Variants in EFCAB12 observed in about 807,000 individuals in gnomAD.
EFCAB12 encodes EF-hand calcium binding domain 12.
In EFCAB12, 43 loss-of-function variants were observed where a neutral mutation model predicts 53.6. The ratio of observed to expected loss-of-function variants is 0.80; its 90% CI spans 0.63 to 1.03. The LOEUF is 1.03. Among genes scored for constraint, EFCAB12 ranks in the 50% least tolerant of loss-of-function variants. The probability of loss-of-function intolerance (pLI) is 0.00; values close to 1 mark genes in which losing one functional copy is unlikely to be tolerated. For synonymous variants in EFCAB12, 269 were observed against 289.2 expected, an observed-to-expected ratio of 0.93 and a Z score of 0.71; for missense variants, 646 against 730.6, an observed-to-expected ratio of 0.88 and a Z score of 1.34.
At chr3:129,410,379 C>T (rs1053240705) in intron 5 of EFCAB12, among the ~76,000 whole-genome samples, 2 of 150,996 alleles carry the variant, frequency 1.3e-5, no homozygotes, top group African/African-American at 2.4e-5. Flanking sequence ...TCCAGTGGTG[C>T]GATCTTAGCT....
At chr3:129,419,026 T>C (rs1453222922) in intron 2 of EFCAB12, among the ~76,000 whole-genome samples, 4 of 152,182 alleles carry the variant, frequency 2.6e-5, no homozygotes, top group South Asian at 2.1e-4. Context: ...GGGTGCTTAT[T>C]ATAATAGAGA....
At chr3:129,427,082 C>T (rs1280898110) in intron 1 of EFCAB12, among the ~76,000 whole-genome samples, 1 of 150,492 alleles carries the variant, frequency 6.6e-6, no homozygotes, top group African/African-American at 2.5e-5. Flanking sequence ...CTCCTGACCT[C>T]GTGATCCACC....
At chr3:129,425,056 TGGAA>T (rs1459960068) in intron 1 of EFCAB12, among the ~76,000 whole-genome samples, 1 of 152,166 alleles carries the variant, frequency 6.6e-6, no homozygotes, top group African/African-American at 2.4e-5. Flanking sequence ...TTCCACATGT[TGGAA>T]GCCCACTGTG....
intron 4 of EFCAB12, 125 bp from the exon 5 acceptor site, chr3:129,411,479 C>T (rs780888776): frequency 3.5e-5 from 36 of 1,016,526 alleles, no homozygotes; most frequent in South Asian, 9.9e-5. Flanking sequence ...CCTTCCCACA[C>T]GTCTGGGCAG....
At chr3:129,415,097 A>G in intron 4 of EFCAB12, 148 bp downstream of exon 4, 1 of 958,956 alleles carries the variant, frequency 1.0e-6, no homozygotes, top group South Asian at 2.1e-5. Context: ...CTGGGCCTGA[A>G]AATTTCCAGA....
At chr3:129,410,383 C>A (rs2072020852) in intron 5 of EFCAB12, among the ~76,000 whole-genome samples, 1 of 150,622 alleles carries the variant, frequency 6.6e-6, no homozygotes, top group Middle Eastern at 3.2e-3. Context: ...GTGGTGCGAT[C>A]TTAGCTCACT....
chr3:129,417,330 A>C (rs560926464), intron 3 of EFCAB12, among the ~76,000 whole-genome samples: 6,640 of 138,424 alleles, frequency 0.048, 726 homozygotes, highest in East Asian at 0.42. Context: ...CCTCAAAAAA[A>C]AAAAAAAAAC....
rs368168096 is a variant in EFCAB12 at position 129,404,279 on chromosome 3, C to T, written c.1374G>A (p.Gln458=). The T allele has an allele frequency of 1.7e-5, 27 of 1,613,798 alleles. No individual in the cohort carries two copies. Among genetic ancestry groups the T allele is most frequent in the Non-Finnish European group, 2.2e-5 (26 of 1,179,774 alleles). Residue 458 remains glutamine, a synonymous_variant, in exon 7 of 9, where the codon CAG becomes CAA. Coordinates refer to ENST00000505956, the MANE Select transcript of EFCAB12 (RefSeq NM_207307.3). ...FSPNLALLRS[Q]GPGKSKRTDK... ...CAGTCCTCTTAGACTTGCCAGGGCC[C>T]TGGGACCGGAGCAGAGCCAGATTCG... is the stretch of plus-strand genomic sequence containing the variant.
At chr3:129,419,111 G>A (rs749748023) in intron 2 of EFCAB12, among the ~76,000 whole-genome samples, 1 of 152,130 alleles carries the variant, frequency 6.6e-6, no homozygotes. Context: ...ACTAACATGT[G>A]AACACCTTGT....
intron 5 of EFCAB12, among the ~76,000 whole-genome samples, chr3:129,409,979 T>A (rs1340264023): frequency 6.6e-6 from 1 of 151,910 alleles, no homozygotes; most frequent in Non-Finnish European, 1.5e-5. Flanking sequence ...CAAATATGTA[T>A]TTTTAATTAT....
chr3:129,409,390 C>T (rs2072000647), intron 5 of EFCAB12, among the ~76,000 whole-genome samples: 1 of 151,986 alleles, frequency 6.6e-6, no homozygotes, highest in Non-Finnish European at 1.5e-5. Flanking sequence ...CTGCAGTGAG[C>T]CAAGATCAAG....
chr3:129,413,087 CA>C (rs2107738596), intron 4 of EFCAB12: 1 of 152,318 alleles, frequency 6.6e-6, no homozygotes, highest in East Asian at 1.9e-4. Context: ...CCTCTGCGGA[CA>C]TAAAGGATAA....
At chr3:129,425,403 C>T (rs1429036914) in intron 1 of EFCAB12, among the ~76,000 whole-genome samples, 2 of 152,178 alleles carry the variant, frequency 1.3e-5, no homozygotes, top group Non-Finnish European at 2.9e-5. Flanking sequence ...CCTCCCAGCC[C>T]CCGCCCCCTC....
At chr3:129,411,454 G>A (rs1577042701) in intron 4 of EFCAB12, 100 bp from the exon 5 acceptor site, 1 of 1,260,584 alleles carries the variant, frequency 7.9e-7, no homozygotes, top group African/African-American at 1.5e-5. Flanking sequence ...CAGGCACCAG[G>A]CCACCCCTCC....
At chr3:129,428,397 G>C (rs748230490) in intron 1 of EFCAB12, 43 bp downstream of exon 1, 1 of 1,578,412 alleles carries the variant, frequency 6.3e-7, no homozygotes, top group South Asian at 1.2e-5. Flanking sequence ...CGCGTCCTTA[G>C]GGCGCTGAGC....
At chr3:129,402,397 C>T in intron 8 of EFCAB12, 126 bp downstream of exon 8, 1 of 1,043,526 alleles carries the variant, frequency 9.6e-7, no homozygotes, top group South Asian at 1.4e-5. Flanking sequence ...TGTTGTGTCA[C>T]TGCCTCTCAG....
At chr3:129,426,527 G>A (rs1479413215) in intron 1 of EFCAB12, among the ~76,000 whole-genome samples, 2 of 151,714 alleles carry the variant, frequency 1.3e-5, no homozygotes, top group African/African-American at 2.4e-5. Context: ...ACCACGACCG[G>A]CTAATTTTTT....
rs372087080 is a variant in EFCAB12 at position 129,421,952 on chromosome 3, A to G, written c.50-149T>C. The G allele has an allele frequency of 7.3e-4, 611 of 831,392 alleles. 2 individuals are homozygous for G. In the African/African-American group the frequency reaches 9.6e-3, roughly 13 times the overall value. 51.5% of individuals were successfully genotyped at this position (831,392 alleles called of 1,614,324 possible). On this transcript the variant is annotated intron_variant, in intron 1 of 8. Coordinates refer to ENST00000505956, the MANE Select transcript of EFCAB12 (RefSeq NM_207307.3). ...ATTGTCTTGCTGTAATCGTAAGGAT[A>G]ATTTCATCTAATGTTACCGGGTGCT...
rs1327396183 is a variant in EFCAB12 at position 129,401,503 on chromosome 3, T to G, written c.*90A>C. 5 of 1,437,974 alleles carry G rather than the reference T, an allele frequency of 3.5e-6. No homozygotes were observed. Among genetic ancestry groups the G allele is most frequent in the Non-Finnish European group, 4.6e-6 (5 of 1,086,784 alleles). 89.1% of individuals were successfully genotyped at this position (1,437,974 alleles called of 1,614,324 possible). On this transcript the variant is annotated 3_prime_UTR_variant, in exon 9 of 9. Transcript: ENST00000505956. ...TGAAAGGATTTCTTTAGTTTGACTC[T>G]TTGACACTCCTCTTGTGTCTGGGCT...
Sources: allele counts gnomAD v4.1 joint callset (sites outside exome capture counted in the v4.1 genomes callset), GRCh38; gene constraint gnomAD v4.1.1; transcripts MANE v1.5; gene names NCBI Gene and HGNC (gene_info 2026-07-23, HGNC 2026-07-21).